Variants in TENM2 observed in about 807,000 individuals in gnomAD.
The protein encoded by TENM2 is teneurin-2.
A neutral mutation model predicts 245.2 loss-of-function variants in TENM2; 52 were observed. The observed-to-expected ratio is 0.21, with a 90% CI of 0.17 to 0.27. The LOEUF (loss-of-function observed/expected upper bound fraction) is 0.27. TENM2 is among the 10% of genes least tolerant of loss of function. The probability of loss-of-function intolerance (pLI) is 1.00; values close to 1 mark genes in which losing one functional copy is unlikely to be tolerated. For synonymous variants in TENM2, 1,363 were observed against 1,438.9 expected, an observed-to-expected ratio of 0.95 and a Z score of 1.19; for missense variants, 3,046 against 3,666.8, an observed-to-expected ratio of 0.83 and a Z score of 4.37.
intron 1 of TENM2, among the ~76,000 whole-genome samples, chr5:167,364,508 A>ATT (rs1195046548): frequency 6.6e-6 from 1 of 152,132 alleles, no homozygotes; most frequent in African/African-American, 2.4e-5. Context: ...AAAGACAGAG[A>ATT]TTGTCAGATT....
chr5:167,821,045 G>A (rs1172050454), intron 2 of TENM2: 3 of 152,320 alleles, frequency 2.0e-5, no homozygotes, highest in East Asian at 1.9e-4. Context: ...AAGGTGGGGA[G>A]TGGGGTAAGG....
chr5:167,122,542 G>A, the TENM2 span, among the ~76,000 whole-genome samples: 14 of 152,198 alleles, frequency 9.2e-5, no homozygotes, highest in African/African-American at 1.9e-4. Flanking sequence ...ATAAATCCAG[G>A]CAAATGTGTA....
chr5:167,698,835 C>T, intron 2 of TENM2, among the ~76,000 whole-genome samples: 1 of 151,840 alleles, frequency 6.6e-6, no homozygotes, highest in East Asian at 1.9e-4. Context: ...AGGTGCCCGC[C>T]ACCACGCCCA....
At chr5:167,409,505 T>C (rs1762800938) in intron 2 of TENM2, among the ~76,000 whole-genome samples, 2 of 151,986 alleles carry the variant, frequency 1.3e-5, no homozygotes, top group Admixed American at 1.3e-4. Context: ...AAAATTGGCT[T>C]ACACATTATA....
intron 9 of TENM2, among the ~76,000 whole-genome samples, chr5:168,110,340 T>A (rs959797529): frequency 6.6e-6 from 1 of 152,202 alleles, no homozygotes; most frequent in Non-Finnish European, 1.5e-5. Context: ...TAGTGATGAC[T>A]ATGTGCCAGG....
At chr5:167,663,916 A>G (rs556549822) in intron 2 of TENM2, among the ~76,000 whole-genome samples, 2 of 152,286 alleles carry the variant, frequency 1.3e-5, no homozygotes, top group East Asian at 1.9e-4. Flanking sequence ...TCCTTGCTCA[A>G]TTTGAAAATT....
the TENM2 span, among the ~76,000 whole-genome samples, chr5:167,201,746 A>C: frequency 6.6e-6 from 1 of 152,194 alleles, no homozygotes; most frequent in South Asian, 2.1e-4. Flanking sequence ...CTTTTTTATG[A>C]TTAGTCTCCA....
At chr5:167,062,128 T>C in the TENM2 span, among the ~76,000 whole-genome samples, 2 of 152,146 alleles carry the variant, frequency 1.3e-5, no homozygotes, top group African/African-American at 4.8e-5. Context: ...TAATTCCTCT[T>C]CTATGAGTTG....
chr5:167,970,238 C>T (rs550171818), intron 4 of TENM2, among the ~76,000 whole-genome samples: 91 of 152,298 alleles, frequency 6.0e-4, no homozygotes, highest in African/African-American at 2.1e-3. Context: ...GACTCATCAC[C>T]CTCTCTGGTT....
chr5:167,587,199 T>C (rs554346703), intron 2 of TENM2, among the ~76,000 whole-genome samples: 3 of 152,296 alleles, frequency 2.0e-5, no homozygotes, highest in Admixed American at 6.5e-5. Flanking sequence ...TTCATTGGGT[T>C]TTTCCCCTTT....
chr5:167,725,982 C>T (rs1381897150), intron 2 of TENM2, among the ~76,000 whole-genome samples: 3 of 152,156 alleles, frequency 2.0e-5, no homozygotes, highest in African/African-American at 2.4e-5. Flanking sequence ...ATTAGCACTT[C>T]GCTGTGCTTA....
intron 13 of TENM2, among the ~76,000 whole-genome samples, chr5:168,163,753 T>A (rs1757955408): frequency 6.6e-6 from 1 of 152,192 alleles, no homozygotes; most frequent in Non-Finnish European, 1.5e-5. Context: ...TTCCAGTGTG[T>A]ATATACCTTC....
At chr5:167,115,902 C>T in the TENM2 span, among the ~76,000 whole-genome samples, 72 of 152,108 alleles carry the variant, frequency 4.7e-4, no homozygotes, top group African/African-American at 1.6e-3. Context: ...CCTAGGTTGC[C>T]GGGAAATAAC....
intron 1 of TENM2, among the ~76,000 whole-genome samples, chr5:167,290,567 C>A (rs185715443): frequency 6.6e-6 from 1 of 152,256 alleles, no homozygotes. Flanking sequence ...AAAATTCTGA[C>A]ATTTTCAAAC....
Position 167,853,289 on chromosome 5 carries a change from C to CAAAAAAAAAAAAAAAAAAAAA in TENM2, c.503-22694_503-22674dup, listed in dbSNP as rs777170514. On this transcript the variant is annotated intron_variant, in intron 2 of 28. Coordinates refer to ENST00000518659, the Ensembl canonical transcript of TENM2. Reference sequence around the variant, plus strand: ...TGGGAGACAGAGCGAGACTCCGTCTCAAAAAAAAAAAAAAAAAAAAAAAGA... The same window carrying CAAAAAAAAAAAAAAAAAAAAA: ...TGGGAGACAGAGCGAGACTCCGTCTCAAAAAAAAAAAAAAAAAAAAAAAAAAAAAAAAAAAAAAAAAAAAGA... Among the ~76,000 whole-genome samples, 36 of 24,612 alleles carry CAAAAAAAAAAAAAAAAAAAAA rather than the reference C, an allele frequency of 1.5e-3. 2 individuals are homozygous for CAAAAAAAAAAAAAAAAAAAAA. The highest frequency in any genetic ancestry group is 3.0e-3 in the Admixed American group (5 of 1,646). The allele number at this position is 24,612 out of a possible 152,430, so 16.1% of individuals were successfully genotyped here. A position where few individuals can be genotyped will look rare whatever the true frequency, so the allele number is the denominator to read the frequency against.
At chr5:167,367,658 T>C (rs1160701865) in intron 1 of TENM2, among the ~76,000 whole-genome samples, 1 of 152,126 alleles carries the variant, frequency 6.6e-6, no homozygotes, top group Non-Finnish European at 1.5e-5. Context: ...TGTATAAAAA[T>C]AATATTTTAG....
chr5:167,192,262 A>C, the TENM2 span, among the ~76,000 whole-genome samples: 1 of 151,958 alleles, frequency 6.6e-6, no homozygotes, highest in African/African-American at 2.4e-5. Context: ...TTGATACAAG[A>C]CATGAATTTT....
chr5:167,921,620 G>GTT (rs1386422421), intron 3 of TENM2, among the ~76,000 whole-genome samples: 1 of 152,138 alleles, frequency 6.6e-6, no homozygotes, highest in Non-Finnish European at 1.5e-5. Context: ...GTACATAACT[G>GTT]TTTGAGAAAT....
the TENM2 span, among the ~76,000 whole-genome samples, chr5:167,101,207 G>A: frequency 1.3e-5 from 2 of 152,100 alleles, no homozygotes; most frequent in African/African-American, 4.8e-5. Context: ...AATTCCAAAC[G>A]TTTTTATGAC....
Sources: allele counts gnomAD v4.1 joint callset (sites outside exome capture counted in the v4.1 genomes callset), GRCh38; gene constraint gnomAD v4.1.1; transcripts MANE v1.5; gene names NCBI Gene and HGNC (gene_info 2026-07-23, HGNC 2026-07-21).